NELL1: variants seen among roughly 807,000 people sequenced by gnomAD.
NELL1 encodes neural EGFL like 1.
A neutral mutation model predicts 107.4 loss-of-function variants in NELL1; 76 were observed. That is an observed-to-expected ratio of 0.71 (90% CI 0.59 to 0.86). The LOEUF (loss-of-function observed/expected upper bound fraction) is 0.86, where lower values mean the gene tolerates loss of function less well. Ranked by LOEUF, NELL1 falls within the 40% of genes least tolerant of loss-of-function variation. The pLI, the probability that NELL1 is intolerant of heterozygous loss-of-function variation, is 0.00. For synonymous variants in NELL1, 353 were observed against 341.2 expected, an observed-to-expected ratio of 1.03 and a Z score of -0.38; for missense variants, 1,024 against 1,005.5, an observed-to-expected ratio of 1.02 and a Z score of -0.25.
At chr11:20,984,670 G>A (rs1851816697) in intron 12 of NELL1, among the ~76,000 whole-genome samples, 1 of 151,560 alleles carries the variant, frequency 6.6e-6, no homozygotes, top group South Asian at 2.1e-4. Flanking sequence ...ACTCCTACTG[G>A]ATGCTGTTCA....
intron 2 of NELL1, among the ~76,000 whole-genome samples, chr11:20,765,462 A>G (rs900925507): frequency 1.3e-5 from 2 of 152,198 alleles, no homozygotes; most frequent in Admixed American, 1.3e-4. Flanking sequence ...AGCCCAAAGA[A>G]GGAAAAGCTG....
intron 14 of NELL1, among the ~76,000 whole-genome samples, chr11:21,246,033 G>T (rs1176811120): frequency 1.3e-5 from 2 of 151,028 alleles, no homozygotes; most frequent in Non-Finnish European, 3.0e-5. Context: ...GTTTTTTTTT[G>T]ACTCAAAGAA....
At chr11:20,941,311 C>A (rs565961689) in intron 10 of NELL1, among the ~76,000 whole-genome samples, 16 of 152,312 alleles carry the variant, frequency 1.1e-4, no homozygotes, top group African/African-American at 3.6e-4. Context: ...GGCTTTACTT[C>A]TTCCCTCTGG....
chr11:21,414,520 C>T lies in NELL1; in HGVS notation c.1645+43572C>T, dbSNP rs183474341. Among the ~76,000 whole-genome samples, 340 of 124,146 alleles carry T rather than the reference C, an allele frequency of 2.7e-3. 3 individuals are homozygous for T. The highest frequency in any genetic ancestry group is 9.1e-3 in the African/African-American group (313 of 34,360). 81.4% of individuals were successfully genotyped at this position (124,146 alleles called of 152,430 possible). On this transcript the variant is annotated intron_variant, in intron 15 of 19. Coordinates refer to ENST00000357134, the MANE Select transcript of NELL1 (RefSeq NM_006157.5). ...GATCACAGCCTAAGAGTCACTGATA[C>T]GGCAAATGGACTCTCCCTCCGGTGT...
At chr11:21,053,752 G>A (rs1367608810) in intron 12 of NELL1, among the ~76,000 whole-genome samples, 1 of 152,136 alleles carries the variant, frequency 6.6e-6, no homozygotes, top group African/African-American at 2.4e-5. Flanking sequence ...GGCCTGGGAA[G>A]GTTTCCCTAA....
chr11:21,065,882 C>T (rs1853854960), intron 12 of NELL1, among the ~76,000 whole-genome samples: 1 of 152,048 alleles, frequency 6.6e-6, no homozygotes, highest in Non-Finnish European at 1.5e-5. Flanking sequence ...AGTTATTTTC[C>T]CCTTGTTCAT....
chr11:20,882,705 A>G (rs974712027), intron 4 of NELL1, among the ~76,000 whole-genome samples: 17 of 152,358 alleles, frequency 1.1e-4, no homozygotes, highest in Admixed American at 2.0e-4. Flanking sequence ...TTGAGTATCA[A>G]TAAAATACTA....
chr11:20,914,450 G>A (rs1357512690), intron 5 of NELL1, among the ~76,000 whole-genome samples: 2 of 152,112 alleles, frequency 1.3e-5, no homozygotes, highest in African/African-American at 4.8e-5. Context: ...GAATGTCTGG[G>A]TTCTGATAAG....
intron 2 of NELL1, among the ~76,000 whole-genome samples, chr11:20,770,335 G>A (rs1229720460): frequency 6.6e-6 from 1 of 152,102 alleles, no homozygotes; most frequent in Non-Finnish European, 1.5e-5. Context: ...CTAAAGAGGA[G>A]GTCCATTTTT....
intron 13 of NELL1, among the ~76,000 whole-genome samples, chr11:21,160,924 C>G (rs899148385): frequency 1.3e-5 from 2 of 151,104 alleles, no homozygotes; most frequent in East Asian, 3.9e-4. Flanking sequence ...TTTTAAATAA[C>G]TTACTTAATT....
rs142995357 is a variant in NELL1 at position 20,756,422 on chromosome 11, T to C, written c.185-27258T>C. The stretch of plus-strand genomic sequence containing the variant: ...GGTGCTATCTAGGCTCACTGAAAGC[T>C]CCGCCTCCTGGGTTCACGCCATTCT... On this transcript the variant is annotated intron_variant, in intron 2 of 19. Coordinates refer to ENST00000357134, the MANE Select transcript of NELL1 (RefSeq NM_006157.5). Among the ~76,000 whole-genome samples the C allele has an allele frequency of 9.1e-3, 1,376 of 151,800 alleles. 25 individuals carry two copies. Among genetic ancestry groups the C allele is most frequent in the African/African-American group, 0.032 (1,306 of 41,370 alleles).
rs184005838 is a variant in NELL1, at chr11:21,568,543, A to G, written c.1981-2221A>G. Among the ~76,000 whole-genome samples, 459 of 150,794 alleles carry G rather than the reference A, an allele frequency of 3.0e-3. 5 individuals are homozygous for G. Among genetic ancestry groups the G allele is most frequent in the African/African-American group, 0.011 (436 of 40,364 alleles). On this transcript the variant is annotated intron_variant, in intron 17 of 19. Transcript: ENST00000357134. ...TTTGTAACTTTTTGACTCTTGTGTA[A>G]TAACACTTAGTTTAAAACACAAACA...
chr11:21,396,658 ACT>A (rs1215534976), intron 15 of NELL1, among the ~76,000 whole-genome samples: 1 of 151,564 alleles, frequency 6.6e-6, no homozygotes, highest in Admixed American at 6.6e-5. Flanking sequence ...AAAGTGATAA[ACT>A]CTGTATGAGA....
At chr11:20,974,469 C>A (rs1451921085) in intron 12 of NELL1, among the ~76,000 whole-genome samples, 1 of 151,972 alleles carries the variant, frequency 6.6e-6, no homozygotes, top group Admixed American at 6.6e-5. Context: ...CCAATTGATT[C>A]CTGTTATCTT....
rs117694828 is a variant in NELL1 at position 21,013,721 on chromosome 11, A to G, written c.1300+53161A>G. ...GTACAGTACTTAGTTACAATTAATG[A>G]ACCAATGTTAATACACTGTGTTTAA... On this transcript the variant is annotated intron_variant, in intron 12 of 19. Transcript: ENST00000357134. Among the ~76,000 whole-genome samples, 724 of 152,288 alleles carry G rather than the reference A, an allele frequency of 4.8e-3. 5 individuals carry two copies. Among genetic ancestry groups the G allele is most frequent in the Non-Finnish European group, 7.0e-3 (478 of 68,008 alleles).
At chr11:20,951,216 T>A (rs957254476) in intron 11 of NELL1, among the ~76,000 whole-genome samples, 4 of 152,220 alleles carry the variant, frequency 2.6e-5, no homozygotes, top group Non-Finnish European at 5.9e-5. Context: ...TTATATATTT[T>A]ACATATGAAA....
At chr11:21,140,202 A>C (rs551264593) in intron 13 of NELL1, among the ~76,000 whole-genome samples, 1 of 152,200 alleles carries the variant, frequency 6.6e-6, no homozygotes, top group Non-Finnish European at 1.5e-5. Context: ...CACCTGGGCT[A>C]TGTGTGTGGG....
At chr11:21,161,313 A>T (rs1232759266) in intron 13 of NELL1, among the ~76,000 whole-genome samples, 2 of 152,124 alleles carry the variant, frequency 1.3e-5, no homozygotes, top group African/African-American at 4.8e-5. Flanking sequence ...TGAGACAGGC[A>T]GATCATTTGA....
rs375353152 is a variant in NELL1 at position 20,928,503 on chromosome 11, C to G, written c.997+24C>G. The G allele has an allele frequency of 6.5e-6, 10 of 1,545,370 alleles. No individual in the cohort carries two copies. In the African/African-American group the frequency reaches 1.4e-4, roughly 21 times the overall value. On this transcript the variant is annotated intron_variant, in intron 9 of 19. Transcript: ENST00000357134. ...ACGTAAGTACTGACTGAGGGTCAGA[C>G]TGGCTGTCTGTGTTTTGAGATTTAT... is the stretch of plus-strand genomic sequence containing the variant.
Sources: allele counts gnomAD v4.1 joint callset (sites outside exome capture counted in the v4.1 genomes callset), GRCh38; gene constraint gnomAD v4.1.1; transcripts MANE v1.5; gene names NCBI Gene and HGNC (gene_info 2026-07-23, HGNC 2026-07-21).